UBE3A: variants seen among roughly 807,000 people sequenced by gnomAD.
UBE3A encodes ubiquitin-protein ligase E3A.
UBE3A carries 6 observed loss-of-function variants against 83.4 expected under a neutral mutation model. The observed-to-expected ratio is 0.07, with a 90% confidence interval of 0.04 to 0.14. The LOEUF is 0.14. UBE3A is among the 10% of genes least tolerant of loss of function. The pLI is 1.00. For synonymous variants in UBE3A, 337 were observed against 355.4 expected, an observed-to-expected ratio of 0.95 and a Z score of 0.58; for missense variants, 456 against 1,036.1, an observed-to-expected ratio of 0.44 and a Z score of 7.69.
intron 4 of UBE3A, among the ~76,000 whole-genome samples, chr15:25,399,198 T>C (rs919259952): frequency 2.0e-5 from 3 of 152,172 alleles, no homozygotes; most frequent in Non-Finnish European, 4.4e-5. Context: ...AGAAGCTTTT[T>C]AGTTTGATGT....
At chr15:25,417,096 T>C (rs1001204825) in intron 1 of UBE3A, among the ~76,000 whole-genome samples, 5 of 152,102 alleles carry the variant, frequency 3.3e-5, no homozygotes, top group African/African-American at 1.2e-4. Flanking sequence ...AGTGACTCCA[T>C]GAAGCTAGTG....
Position 25,413,785 on chromosome 15 carries a change from G to A in UBE3A, c.-164-1814C>T, listed in dbSNP as rs560838036. ...CATTTCTGTATATTCCCAGTGCTTT[G>A]GCCCCTTAATCCTACTTAATTTTTG... On this transcript the variant is annotated intron_variant, in intron 1 of 12. Coordinates refer to ENST00000648336, the MANE Select transcript of UBE3A (RefSeq NM_130839.5). Among the ~76,000 whole-genome samples the A allele has an allele frequency of 2.9e-4, 44 of 151,922 alleles. 1 individual carries two copies. In the South Asian group the frequency reaches 8.9e-3, roughly 31 times the overall value.
intron 6 of UBE3A, among the ~76,000 whole-genome samples, chr15:25,369,705 G>T (rs1347365130): frequency 1.3e-5 from 2 of 152,144 alleles, no homozygotes; most frequent in African/African-American, 2.4e-5. Flanking sequence ...ATGCACCTGA[G>T]ACAAATGTAA....
chr15:25,346,065 A>G (rs1323589843), intron 11 of UBE3A: 1 of 152,328 alleles, frequency 6.6e-6, no homozygotes, highest in African/African-American at 2.4e-5. Context: ...TGGTCCTGGC[A>G]GTGTTCACCT....
chr15:25,389,095 T>C (rs1002595806), intron 4 of UBE3A, among the ~76,000 whole-genome samples: 3 of 152,092 alleles, frequency 2.0e-5, no homozygotes, highest in South Asian at 2.1e-4. Context: ...GGTGTGGTAC[T>C]GACAAAAGAA....
intron 4 of UBE3A, among the ~76,000 whole-genome samples, chr15:25,384,459 C>CAA (rs1306982756): frequency 0.035 from 2,427 of 70,048 alleles, 46 homozygotes; most frequent in Middle Eastern, 0.06. Context: ...GACTCTGTCT[C>CAA]AAAAAAAAAA....
chr15:25,367,429 A>G (rs1049342418), intron 6 of UBE3A, among the ~76,000 whole-genome samples: 4 of 152,012 alleles, frequency 2.6e-5, no homozygotes, highest in African/African-American at 9.7e-5. Context: ...CATGTTTATC[A>G]CTGTACTGTT....
intron 3 of UBE3A, chr15:25,407,185 G>A (rs2088816765): frequency 7.5e-7 from 1 of 1,338,780 alleles, no homozygotes; most frequent in Admixed American, 2.0e-5. Flanking sequence ...ATTTTTGAAA[G>A]TGCGACCCTC....
intron 12 of UBE3A, 73 bp from the exon 13 acceptor site, chr15:25,339,330 T>C (rs1159775087): frequency 6.4e-7 from 1 of 1,564,366 alleles, no homozygotes; most frequent in Non-Finnish European, 8.7e-7. Flanking sequence ...TAAATGCTCC[T>C]ATTTTTAGAT....
chr15:25,362,029 T>G (rs1367240197), intron 6 of UBE3A, among the ~76,000 whole-genome samples: 1 of 152,194 alleles, frequency 6.6e-6, no homozygotes, highest in Non-Finnish European at 1.5e-5. Context: ...GGTAGTCTAA[T>G]CCATTTAGTG....
intron 4 of UBE3A, among the ~76,000 whole-genome samples, chr15:25,392,762 A>AT (rs2084698529): frequency 6.6e-6 from 1 of 152,156 alleles, no homozygotes; most frequent in Admixed American, 6.5e-5. Flanking sequence ...TGAAAACATG[A>AT]TATTATAAGA....
intron 4 of UBE3A, among the ~76,000 whole-genome samples, chr15:25,399,601 C>T (rs963455602): frequency 5.9e-5 from 9 of 152,086 alleles, no homozygotes; most frequent in Non-Finnish European, 1.2e-4. Context: ...CAGGGTCTCA[C>T]GCTGTCATCC....
At chr15:25,392,710 G>C (rs535543248) in intron 4 of UBE3A, among the ~76,000 whole-genome samples, 1 of 152,224 alleles carries the variant, frequency 6.6e-6, no homozygotes, top group East Asian at 1.9e-4. Flanking sequence ...GACAGGGGAA[G>C]AATGTTTCAG....
chr15:25,376,312 G>C (rs1413651226), intron 4 of UBE3A, among the ~76,000 whole-genome samples: 2 of 152,088 alleles, frequency 1.3e-5, no homozygotes, highest in African/African-American at 4.8e-5. Flanking sequence ...AAATAAATTT[G>C]TAAGTGGAAT....
chr15:25,427,969 T>A (rs1030671990), intron 1 of UBE3A, among the ~76,000 whole-genome samples: 14 of 151,930 alleles, frequency 9.2e-5, no homozygotes, highest in South Asian at 2.1e-4. Flanking sequence ...TTATGTTAAG[T>A]GAAATAAGCC....
At position 25,430,076 on chromosome 15, in the gene UBE3A, C is replaced by T. The variant is rs1476121921; in HGVS notation, c.-165+8413G>A. On this transcript the variant is annotated intron_variant, in intron 1 of 12. Transcript: ENST00000648336. ...TTATATGTATTATATATATATAATA[C>T]ATATATATAAGATTATATATATATT... 3.0e-4 allele frequency among the ~76,000 whole-genome samples: 24 copies of T among 80,998 alleles called. 1 individual carries two copies. Among genetic ancestry groups the T allele is most frequent in the African/African-American group, 1.6e-3 (19 of 11,836 alleles). The allele number at this position is 80,998 out of a possible 152,430, so 53.1% of individuals were successfully genotyped here. A position where few individuals can be genotyped will look rare whatever the true frequency, so the allele number is the denominator to read the frequency against.
intron 6 of UBE3A, among the ~76,000 whole-genome samples, chr15:25,367,475 A>G (rs1283252275): frequency 6.6e-6 from 1 of 152,058 alleles, no homozygotes; most frequent in African/African-American, 2.4e-5. Flanking sequence ...ACTGAAAATA[A>G]GTCCTAGGGG....
Position 25,367,852 on chromosome 15 carries a change from C to T in UBE3A, c.1608+2714G>A, listed in dbSNP as rs531395163. Among the ~76,000 whole-genome samples the T allele has an allele frequency of 1.1e-4, 16 of 152,086 alleles. No individual in the cohort carries two copies. In the South Asian group the frequency reaches 3.3e-3, roughly 32 times the overall value. Reference sequence around the variant, plus strand: ...TATTTTTCTTTTTTAAAAAAATCCACAATTATTAATTCAAGTTACCACTCC... The same window carrying T: ...TATTTTTCTTTTTTAAAAAAATCCATAATTATTAATTCAAGTTACCACTCC... On this transcript the variant is annotated intron_variant, in intron 6 of 12. Transcript: ENST00000648336.
In UBE3A at chr15:25,375,529, A is replaced by C. The variant is rs2081071352; in HGVS notation, c.297T>G (p.Gly99=). 1 of 1,614,168 alleles carries C rather than the reference A, an allele frequency of 6.2e-7. No homozygotes were observed. The highest frequency in any genetic ancestry group is 1.1e-5 in the South Asian group (1 of 91,086). The change falls in exon 5 of 13, where the codon GGT becomes GGG. Residue 99 remains glycine, a synonymous_variant. Coordinates refer to ENST00000648336, the MANE Select transcript of UBE3A (RefSeq NM_130839.5). ...ASSAYLENSK[G]APNNSCSEIK... The stretch of plus-strand genomic sequence containing the variant: ...TCTCAGAGCAGGAGTTGTTGGGGGC[A>C]CCTTTCGAGTTCTCAAGGTAAGCTG...
Sources: gnomAD v4.1 joint callset for allele counts (sites outside exome capture counted in the v4.1 genomes callset) on GRCh38, gnomAD v4.1.1 for gene constraint, MANE v1.5 for transcripts, NCBI Gene and HGNC (gene_info 2026-07-23, HGNC 2026-07-21) for gene names.